Variants in KLF9 observed in about 807,000 individuals in gnomAD.
KLF9 encodes the protein KLF transcription factor 9.
A neutral mutation model predicts 17.3 loss-of-function variants in KLF9; 2 were observed. The observed-to-expected ratio is 0.12, with a 90% CI of 0.05 to 0.36. KLF9 has a LOEUF of 0.36. Among genes scored for constraint, KLF9 ranks in the 10% least tolerant of loss-of-function variants. KLF9 has a pLI of 1.00. For synonymous variants in KLF9, 138 were observed against 139.2 expected (o/e 0.99, Z 0.06); for missense variants, 226 against 333.2 (o/e 0.68, Z 2.51).
chr9:70,402,873 G>A (rs1030255998), intron 1 of KLF9, among the ~76,000 whole-genome samples: 14 of 152,168 alleles, frequency 9.2e-5, no homozygotes, highest in African/African-American at 3.4e-4. Context: ...ATGATAGCCG[G>A]GCATGGTGGC....
chr9:70,390,599 A>G (rs1373159910), intron 1 of KLF9, among the ~76,000 whole-genome samples: 1 of 152,040 alleles, frequency 6.6e-6, no homozygotes, highest in Non-Finnish European at 1.5e-5. Flanking sequence ...TGTCCTACTC[A>G]TGGTGCCAAG....
At chr9:70,390,657 A>ACTCT (rs142487683) in intron 1 of KLF9, among the ~76,000 whole-genome samples, 7 of 146,402 alleles carry the variant, frequency 4.8e-5, no homozygotes, top group South Asian at 2.2e-4. Flanking sequence ...ACATACACAC[A>ACTCT]CTCTCTCTCT....
chr9:70,387,997 G>A lies in KLF9; in HGVS notation c.514C>T (p.Pro172Ser), dbSNP rs1193933251. ...CAGTCTGGCCACGTGCAGGGAAAGG[G>A]CCGTTCACCTAAGAGAAAGGAATCA... The part of the protein sequence containing the change: ...AHYRVHTGER[P>S]FPCTWPDCLK... Residue 172 changes from proline (P) to serine (S), a missense_variant, in exon 2 of 2, where the codon CCC becomes TCC. Pro to Ser is a moderately conservative substitution (Grantham distance 74, BLOSUM62 -1). Transcript: ENST00000377126. 1 of 1,613,274 alleles carries A rather than the reference G, an allele frequency of 6.2e-7. No homozygotes were observed. The highest frequency in any genetic ancestry group is 1.7e-5 in the Admixed American group (1 of 59,940).
intron 1 of KLF9, among the ~76,000 whole-genome samples, chr9:70,408,031 G>A (rs192908853): frequency 3.9e-5 from 6 of 152,300 alleles, no homozygotes; most frequent in Admixed American, 6.5e-5. Flanking sequence ...GTCGCCTTCG[G>A]AATGGGGCAT....
rs564168403 is a variant in KLF9, at chr9:70,388,878, G to A, written c.506-873C>T. On this transcript the variant is annotated intron_variant, in intron 1 of 1. Transcript: ENST00000377126. ...TTGTGCCAGGTGTGTAATCCCTCAC[G>A]CCTGTAATCCCAGCACTTTGGGAGG... is the stretch of plus-strand genomic sequence containing the variant. Among the ~76,000 whole-genome samples, 26 of 152,286 alleles carry A rather than the reference G, an allele frequency of 1.7e-4. No individual in the cohort carries two copies. The South Asian group carries it at 4.6e-3, about 27-fold the overall frequency.
intron 1 of KLF9, among the ~76,000 whole-genome samples, chr9:70,411,197 G>A (rs2037309559): frequency 6.6e-6 from 1 of 152,190 alleles, no homozygotes; most frequent in Non-Finnish European, 1.5e-5. Flanking sequence ...GACTCTGGCA[G>A]CTCACAGAGG....
chr9:70,400,450 G>C (rs1484139669), intron 1 of KLF9, among the ~76,000 whole-genome samples: 1 of 152,174 alleles, frequency 6.6e-6, no homozygotes, highest in Non-Finnish European at 1.5e-5. Flanking sequence ...CACTCCCAGG[G>C]AAAGGAAAGG....
chr9:70,398,515 G>A (rs2037198643), intron 1 of KLF9, among the ~76,000 whole-genome samples: 1 of 149,478 alleles, frequency 6.7e-6, no homozygotes, highest in Non-Finnish European at 1.5e-5. Flanking sequence ...TTGAGATGGA[G>A]TCTTGCTCTG....
At position 70,414,415 on chromosome 9, in the gene KLF9, G is replaced by GGC. The variant is rs2037362369; in HGVS notation, c.-1053_-1052insGC. ...CAACCAGCCTTCCAATCAAAAGTAA[G>GGC]TTGGTTGATGTCACTGGCATTGGCT... is the stretch of plus-strand genomic sequence containing the variant. On this transcript the variant is annotated 5_prime_UTR_variant, in exon 1 of 2. An upstream open reading frame in the 5' UTR gains an earlier in-frame stop. Coordinates refer to ENST00000377126, the MANE Select transcript of KLF9 (RefSeq NM_001206.4). The GGC allele has an allele frequency of 6.6e-6, 1 of 152,226 alleles. No individual in the cohort carries two copies. The highest frequency in any genetic ancestry group is 2.1e-4 in the South Asian group (1 of 4,836). The allele number at this position is 152,226 out of a possible 1,614,324, so 9.4% of individuals were successfully genotyped here.
At chr9:70,409,013 C>CATATATGTATAT (rs1564089081) in intron 1 of KLF9, among the ~76,000 whole-genome samples, 1 of 35,872 alleles carries the variant, frequency 2.8e-5, no homozygotes, top group Admixed American at 2.7e-4. Flanking sequence ...TATATATATA[C>CATATATGTATAT]ACATATATGT....
chr9:70,403,948 G>A (rs910255428), intron 1 of KLF9, among the ~76,000 whole-genome samples: 3 of 152,106 alleles, frequency 2.0e-5, no homozygotes, highest in South Asian at 2.1e-4. Context: ...AGAGAACCAC[G>A]TAAAACACAG....
At chr9:70,397,421 G>A (rs1294387628) in intron 1 of KLF9, among the ~76,000 whole-genome samples, 4 of 151,952 alleles carry the variant, frequency 2.6e-5, no homozygotes, top group Non-Finnish European at 5.9e-5. Flanking sequence ...GTTGCAGTGA[G>A]CTGAGATTGC....
chr9:70,405,340 T>C (rs1172360002), intron 1 of KLF9, among the ~76,000 whole-genome samples: 1 of 152,186 alleles, frequency 6.6e-6, no homozygotes, highest in East Asian at 1.9e-4. Context: ...TTCAAATCCT[T>C]GTCACTAATT....
intron 1 of KLF9, among the ~76,000 whole-genome samples, chr9:70,412,609 G>T (rs1023748319): frequency 6.6e-6 from 1 of 152,206 alleles, no homozygotes. Flanking sequence ...CACTCCCCGC[G>T]AAGCCACGCA....
rs12352740 is a variant in KLF9 at position 70,397,836 on chromosome 9, T to C, written c.506-9831A>G. Among the ~76,000 whole-genome samples the C allele has an allele frequency of 8.8e-3, 1,346 of 152,272 alleles. 16 individuals are homozygous for C. The highest frequency in any genetic ancestry group is 0.03 in the African/African-American group (1,238 of 41,540). ...GTCCATCACCATCTGGCTTCTCTCC[T>C]CACCAAAAAGCAATGTCAACATGCA... On this transcript the variant is annotated intron_variant, in intron 1 of 1. Transcript: ENST00000377126.
intron 1 of KLF9, among the ~76,000 whole-genome samples, chr9:70,408,132 G>GT (rs1358663431): frequency 1.3e-5 from 2 of 152,166 alleles, no homozygotes; most frequent in Non-Finnish European, 2.9e-5. Context: ...CCAGAACTTT[G>GT]TGAGGCCGAG....
intron 1 of KLF9, among the ~76,000 whole-genome samples, chr9:70,406,901 A>AGAG (rs2037259672): frequency 9.0e-5 from 10 of 111,138 alleles, no homozygotes; most frequent in Admixed American, 2.9e-4. Context: ...GAGAGAGAGA[A>AGAG]AAAAAAAAAA....
At chr9:70,389,185 A>G (rs1288383208) in intron 1 of KLF9, among the ~76,000 whole-genome samples, 1 of 152,110 alleles carries the variant, frequency 6.6e-6, no homozygotes, top group Non-Finnish European at 1.5e-5. Flanking sequence ...CTGCCACATC[A>G]TAATCCTTTA....
At position 70,388,000 on chromosome 9, in the gene KLF9, G is replaced by T. The variant is rs772506798; in HGVS notation, c.511C>A (p.Arg171=). 2 of 1,612,166 alleles carry T rather than the reference G, an allele frequency of 1.2e-6. No homozygotes were observed. The highest frequency in any genetic ancestry group is 1.1e-5 in the South Asian group (1 of 90,930). ...KAHYRVHTGE[R]PFPCTWPDCL... Reference sequence around the variant, plus strand: ...TCTGGCCACGTGCAGGGAAAGGGCCGTTCACCTAAGAGAAAGGAATCAGAA... The same window carrying T: ...TCTGGCCACGTGCAGGGAAAGGGCCTTTCACCTAAGAGAAAGGAATCAGAA... The change falls in exon 2 of 2, where the codon CGG becomes AGG. Residue 171 remains arginine (R), a synonymous_variant. Coordinates refer to ENST00000377126, the MANE Select transcript of KLF9 (RefSeq NM_001206.4).
Sources: allele counts gnomAD v4.1 joint callset (sites outside exome capture counted in the v4.1 genomes callset), GRCh38; gene constraint gnomAD v4.1.1; transcripts MANE v1.5; gene names NCBI Gene and HGNC (gene_info 2026-07-23, HGNC 2026-07-21).